The following LGR4 variants were observed in gnomAD, a reference collection of about 807,000 sequenced individuals.
LGR4 encodes the protein leucine rich repeat containing G protein-coupled receptor 4.
Under a neutral mutation model 84.8 loss-of-function variants are expected in LGR4, and 44 were observed. The ratio of observed to expected loss-of-function variants is 0.52; its 90% CI spans 0.41 to 0.67. LGR4 has a LOEUF of 0.67. LGR4 is among the 30% of genes least tolerant of loss of function. LGR4 has a pLI of 0.00. For missense variants in LGR4, 1,032 were observed against 1,131.4 expected, an observed-to-expected ratio of 0.91 and a Z score of 1.26; for synonymous variants, 429 against 434.3, an observed-to-expected ratio of 0.99 and a Z score of 0.15.
intron 1 of LGR4, among the ~76,000 whole-genome samples, chr11:27,456,828 C>A (rs953149075): frequency 6.6e-6 from 1 of 152,158 alleles, no homozygotes; most frequent in Admixed American, 6.5e-5. Context: ...TCATTTTACA[C>A]AACAGATTTT....
chr11:27,448,125 C>A (rs1246344178), intron 1 of LGR4, among the ~76,000 whole-genome samples: 3 of 152,026 alleles, frequency 2.0e-5, no homozygotes, highest in African/African-American at 7.2e-5. Flanking sequence ...GTGGTAAAAT[C>A]ATTTTGTTTC....
chr11:27,466,507 A>C (rs1348313393), intron 1 of LGR4, among the ~76,000 whole-genome samples: 1 of 152,214 alleles, frequency 6.6e-6, no homozygotes, highest in Non-Finnish European at 1.5e-5. Context: ...AGATGACTAA[A>C]ATAAGAAGCT....
At chr11:27,470,637 G>A (rs1163870847) in intron 1 of LGR4, among the ~76,000 whole-genome samples, 2 of 145,350 alleles carry the variant, frequency 1.4e-5, no homozygotes, top group African/African-American at 5.2e-5. Context: ...CCCACTTAAT[G>A]TAACTTTATG....
At position 27,393,948 on chromosome 11, in the gene LGR4, G is replaced by GA. The variant is rs1272646577; in HGVS notation, c.258-1431_258-1430insT. On this transcript the variant is annotated intron_variant, in intron 2 of 17. Transcript: ENST00000379214. ...CGATTGCACTGAAGATTGGGGGGGGGGGGGGGCGCGGGAAGGGGACAGAAA... is the reference window on the plus strand; with the variant it reads ...CGATTGCACTGAAGATTGGGGGGGGGAGGGGGGCGCGGGAAGGGGACAGAAA... Among the ~76,000 whole-genome samples the GA allele has an allele frequency of 5.1e-5, 6 of 117,942 alleles. 1 individual carries two copies. The highest frequency in any genetic ancestry group is 9.2e-5 in the Non-Finnish European group (5 of 54,316). 77.4% of individuals were successfully genotyped at this position (117,942 alleles called of 152,430 possible). A position where few individuals can be genotyped will look rare whatever the true frequency, so the allele number is the denominator to read the frequency against.
At chr11:27,410,475 T>C (rs1565083648) in intron 2 of LGR4, among the ~76,000 whole-genome samples, 1 of 152,112 alleles carries the variant, frequency 6.6e-6, no homozygotes, top group Admixed American at 6.6e-5. Context: ...GGCATTTGGC[T>C]TCATGATCAC....
rs989323082 is a variant in LGR4, at chr11:27,424,616, A to C, written c.186-11756T>G. Reference sequence around the variant, plus strand: ...TTGCAGGAGAAACCCCACGGAGCTCACGGAGCTCATCACAGAAAGAAGGCC... The same window carrying C: ...TTGCAGGAGAAACCCCACGGAGCTCCCGGAGCTCATCACAGAAAGAAGGCC... On this transcript the variant is annotated intron_variant, in intron 1 of 17. Coordinates refer to ENST00000379214, the MANE Select transcript of LGR4 (RefSeq NM_018490.5). 5.9e-5 allele frequency among the ~76,000 whole-genome samples: 9 copies of C among 152,342 alleles called. No individual in the cohort carries two copies. In the South Asian group the frequency reaches 1.2e-3, roughly 21 times the overall value.
Position 27,374,024 on chromosome 11 carries a change from G to A in LGR4, c.1204C>T (p.His402Tyr). Residue 402 changes from histidine (H) to tyrosine (Y), a missense_variant, in exon 14 of 18, where the codon CAT becomes TAT. Coordinates refer to ENST00000379214, the MANE Select transcript of LGR4 (RefSeq NM_018490.5). Reference protein sequence around the residue: ...RILDLSRNLIHEIHSRAFATL... With the variant: ...RILDLSRNLIYEIHSRAFATL... ...GCAAAAGCTCTACTGTGAATTTCAT[G>A]TATCAGGTTTCTACTCAGATCTCTG... is the stretch of plus-strand genomic sequence containing the variant. 2 of 1,611,342 alleles carry A rather than the reference G, an allele frequency of 1.2e-6. No homozygotes were observed. Among genetic ancestry groups the A allele is most frequent in the East Asian group, 2.2e-5 (1 of 44,798 alleles).
intron 1 of LGR4, among the ~76,000 whole-genome samples, chr11:27,442,960 G>A (rs1864328258): frequency 6.6e-6 from 1 of 152,178 alleles, no homozygotes; most frequent in African/African-American, 2.4e-5. Flanking sequence ...CTATATAACA[G>A]GGACTGTACT....
At chr11:27,451,826 C>G (rs746426828) in intron 1 of LGR4, among the ~76,000 whole-genome samples, 11 of 152,178 alleles carry the variant, frequency 7.2e-5, no homozygotes, top group Non-Finnish European at 1.0e-4. Context: ...GTACCAAGCA[C>G]TCAGTAATAA....
chr11:27,374,551 A>C (rs1458985837), intron 13 of LGR4, among the ~76,000 whole-genome samples: 3 of 152,172 alleles, frequency 2.0e-5, no homozygotes, highest in Non-Finnish European at 4.4e-5. Context: ...TTGCATCAAC[A>C]GTACAGCCAG....
rs1862923081 is a variant in LGR4 at position 27,373,538 on chromosome 11, A to C, written c.1379+13T>G. 1 of 1,510,934 alleles carries C rather than the reference A, an allele frequency of 6.6e-7. No homozygotes were observed. The highest frequency in any genetic ancestry group is 1.4e-5 in the African/African-American group (1 of 71,678). 93.6% of individuals were successfully genotyped at this position (1,510,934 alleles called of 1,614,324 possible). ...ATAACTTCAACAAAAAAGAAAAATA[A>C]GCAAAAACACACCTGAGGTTAACAA... On this transcript the variant is annotated intron_variant, in intron 15 of 17. Transcript: ENST00000379214.
At chr11:27,439,539 T>C (rs926453465) in intron 1 of LGR4, among the ~76,000 whole-genome samples, 1 of 152,250 alleles carries the variant, frequency 6.6e-6, no homozygotes, top group Non-Finnish European at 1.5e-5. Context: ...AGCACAGGTG[T>C]GCAAATATTT....
intron 9 of LGR4, 123 bp downstream of exon 9, chr11:27,380,517 T>C: frequency 1.3e-6 from 1 of 792,444 alleles, no homozygotes; most frequent in South Asian, 2.0e-5. Context: ...CAATTATAAA[T>C]TCTGCCCAAG....
intron 1 of LGR4, among the ~76,000 whole-genome samples, chr11:27,458,316 C>T (rs1274484769): frequency 6.6e-6 from 1 of 151,962 alleles, no homozygotes; most frequent in East Asian, 1.9e-4. Context: ...AATAGTTCAG[C>T]AGTTGTCAGA....
intron 1 of LGR4, among the ~76,000 whole-genome samples, chr11:27,442,629 G>A (rs1354441311): frequency 5.9e-5 from 9 of 152,142 alleles, no homozygotes; most frequent in Admixed American, 5.9e-4. Context: ...AGATTACAGA[G>A]CAAAACAGCA....
At chr11:27,397,645 G>C (rs763717232) in intron 2 of LGR4, among the ~76,000 whole-genome samples, 1 of 152,104 alleles carries the variant, frequency 6.6e-6, no homozygotes, top group Non-Finnish European at 1.5e-5. Context: ...CTAAAGTGTC[G>C]AATGCCAGGG....
chr11:27,464,475 A>G (rs1268643119), intron 1 of LGR4, among the ~76,000 whole-genome samples: 1 of 152,198 alleles, frequency 6.6e-6, no homozygotes, highest in East Asian at 1.9e-4. Context: ...TGCGAATTAT[A>G]AAATTCATCT....
At chr11:27,431,085 A>G (rs1864109127) in intron 1 of LGR4, among the ~76,000 whole-genome samples, 1 of 151,864 alleles carries the variant, frequency 6.6e-6, no homozygotes, top group African/African-American at 2.4e-5. Flanking sequence ...TAAACTCTAT[A>G]TTACCAACCA....
intron 2 of LGR4, among the ~76,000 whole-genome samples, chr11:27,408,451 T>C (rs1590369671): frequency 6.6e-6 from 1 of 152,158 alleles, no homozygotes; most frequent in African/African-American, 2.4e-5. Flanking sequence ...TCTACTGCTG[T>C]TGCCACATCA....
Sources: gnomAD v4.1 joint callset for allele counts (sites outside exome capture counted in the v4.1 genomes callset) on GRCh38, gnomAD v4.1.1 for gene constraint, MANE v1.5 for transcripts, NCBI Gene and HGNC (gene_info 2026-07-23, HGNC 2026-07-21) for gene names.